Variants in SYK observed in about 807,000 individuals in gnomAD.
SYK encodes tyrosine-protein kinase SYK.
Under a neutral mutation model 77.8 loss-of-function variants are expected in SYK, and 16 were observed. The ratio of observed to expected loss-of-function variants is 0.21; its 90% CI spans 0.14 to 0.31. The LOEUF is 0.31. Ranked by LOEUF, SYK falls within the 10% of genes least tolerant of loss-of-function variation. SYK has a pLI of 1.00. For missense variants in SYK, 529 were observed against 814.4 expected (o/e 0.65, Z 4.26); for synonymous variants, 312 against 308.7 (o/e 1.01, Z -0.11).
chr9:90,886,901 GA>G (rs1432373686), intron 11 of SYK, among the ~76,000 whole-genome samples: 2 of 152,204 alleles, frequency 1.3e-5, no homozygotes, highest in Non-Finnish European at 2.9e-5. Flanking sequence ...TGGATGAATG[GA>G]TAAAGAAAAT....
In SYK at chr9:90,864,630, A is replaced by G. The variant is rs34489331; in HGVS notation, c.759A>G (p.Arg253=). The G allele has an allele frequency of 2.3e-3, 3,735 of 1,614,176 alleles. 80 individuals are homozygous for G. In the African/African-American group the frequency reaches 0.044, roughly 19 times the overall value. Residue 253 remains arginine, a synonymous_variant, in exon 5 of 14, where the codon AGA becomes AGG. Coordinates refer to ENST00000375754, the MANE Select transcript of SYK (RefSeq NM_003177.7). Reference sequence around the variant, plus strand: ...CTTATAAAGCAGATGGTTTGTTAAGAGTTCTTACTGTCCCATGTCAAAAAA... The same window carrying G: ...CTTATAAAGCAGATGGTTTGTTAAGGGTTCTTACTGTCCCATGTCAAAAAA... The part of the protein sequence containing the change: ...HYSYKADGLL[R]VLTVPCQKIG...
At position 90,862,439 on chromosome 9, in the gene SYK, C is replaced by T. The variant is rs1827311097; in HGVS notation, c.717+95C>T. 5 of 1,408,404 alleles carry T rather than the reference C, an allele frequency of 3.6e-6. No homozygotes were observed. The South Asian group carries it at 4.5e-5, about 13-fold the overall frequency. The allele number at this position is 1,408,404 out of a possible 1,614,324, so 87.2% of individuals were successfully genotyped here. A position where few individuals can be genotyped will look rare whatever the true frequency, so the allele number is the denominator to read the frequency against. The stretch of plus-strand genomic sequence containing the variant: ...CTTAGACATGAGAGGAACTGGACCA[C>T]CCACTGCCCACAGTGTGGTCCCCAG... On this transcript the variant is annotated intron_variant, in intron 4 of 13. Coordinates refer to ENST00000375754, the MANE Select transcript of SYK (RefSeq NM_003177.7).
chr9:90,831,543 G>C (rs1213714073), intron 1 of SYK, among the ~76,000 whole-genome samples: 1 of 152,192 alleles, frequency 6.6e-6, no homozygotes, highest in East Asian at 1.9e-4. Flanking sequence ...GGATGAGGTT[G>C]GGTCTTTTCA....
chr9:90,823,927 A>G (rs993241896), intron 1 of SYK, among the ~76,000 whole-genome samples: 1 of 152,082 alleles, frequency 6.6e-6, no homozygotes, highest in African/African-American at 2.4e-5. Context: ...TAAAAACAGG[A>G]AAACAGTAGA....
chr9:90,865,048 G>A lies in SYK; in HGVS notation c.797G>A (p.Gly266Glu). ...AATTGTCCATGCTCTCTCTAACCAG[G>A]AAATGTTAATTTTGGAGGCCGTCCA... ...TVPCQKIGTQGNVNFGGRPQL... is the reference protein window; with the variant it reads ...TVPCQKIGTQENVNFGGRPQL... Residue 266 changes from glycine to glutamate, a missense_variant and splice_region_variant, in exon 6 of 14, where the codon GGA becomes GAA. Around this residue, in one of 2 missense-constraint regions of SYK, gnomAD observed 321 missense variants for 433.1 expected, o/e 0.74. Coordinates refer to ENST00000375754, the MANE Select transcript of SYK (RefSeq NM_003177.7). 1 of 1,614,174 alleles carries A rather than the reference G, an allele frequency of 6.2e-7. No individual in the cohort carries two copies. Among genetic ancestry groups the A allele is most frequent in the Non-Finnish European group, 8.5e-7 (1 of 1,180,018 alleles).
chr9:90,820,662 C>T (rs940183343), intron 1 of SYK, among the ~76,000 whole-genome samples: 1 of 152,174 alleles, frequency 6.6e-6, no homozygotes, highest in Non-Finnish European at 1.5e-5. Context: ...CCTCCTGGGC[C>T]TCCAGGTCTG....
At chr9:90,855,962 G>A (rs2118738875) in intron 3 of SYK, among the ~76,000 whole-genome samples, 1 of 152,310 alleles carries the variant, frequency 6.6e-6, no homozygotes, top group Non-Finnish European at 1.5e-5. Flanking sequence ...TAGTTCATTG[G>A]AGGGTCTGTA....
chr9:90,808,330 A>C (rs189221401), intron 1 of SYK, among the ~76,000 whole-genome samples: 1 of 151,800 alleles, frequency 6.6e-6, no homozygotes, highest in Non-Finnish European at 1.5e-5. Context: ...TTTTCTGTGT[A>C]TTTTATTACT....
intron 1 of SYK, among the ~76,000 whole-genome samples, chr9:90,836,605 GT>G (rs1826096391): frequency 6.6e-6 from 1 of 152,172 alleles, no homozygotes. Context: ...AAATCACTGT[GT>G]GATGCTCATC....
At chr9:90,883,241 A>G (rs539027507) in intron 11 of SYK, among the ~76,000 whole-genome samples, 1 of 151,648 alleles carries the variant, frequency 6.6e-6, no homozygotes, top group Admixed American at 6.6e-5. Context: ...AGCAAATCAC[A>G]CCCCCTATAG....
chr9:90,802,076 G>C (rs938766942), intron 1 of SYK, 183 bp downstream of exon 1: 7 of 152,388 alleles, frequency 4.6e-5, no homozygotes, highest in Admixed American at 3.9e-4. Context: ...ACCTACCCGC[G>C]CTCGGGATCC....
chr9:90,856,386 G>T lies in SYK; in HGVS notation c.579-5820G>T, dbSNP rs56661485. On this transcript the variant is annotated intron_variant, in intron 3 of 13. Transcript: ENST00000375754. The stretch of plus-strand genomic sequence containing the variant: ...GTTCTTGCCCATTTCTTCCTTCAGA[G>T]ACTCCTATTAAATACAGTTTGACCT... Among the ~76,000 whole-genome samples, 14 of 152,090 alleles carry T rather than the reference G, an allele frequency of 9.2e-5. No homozygotes were observed. In the South Asian group the frequency reaches 2.7e-3, roughly 29 times the overall value.
chr9:90,835,059 A>G (rs185006457), intron 1 of SYK, among the ~76,000 whole-genome samples: 26 of 152,040 alleles, frequency 1.7e-4, no homozygotes, highest in Non-Finnish European at 3.1e-4. Flanking sequence ...AATAGTCTGT[A>G]CTAGATGAGA....
chr9:90,817,845 T>TTGTGTGTGTGTGTGTGTGTG (rs746939088), intron 1 of SYK, among the ~76,000 whole-genome samples: 122 of 137,614 alleles, frequency 8.9e-4, no homozygotes, highest in Non-Finnish European at 7.2e-4. Flanking sequence ...CTCAATAATG[T>TTGTGTGTGTGTGTGTGTGTG]TGTGTGTGTG....
chr9:90,865,601 A>G (rs1340509877), intron 6 of SYK, among the ~76,000 whole-genome samples: 1 of 151,430 alleles, frequency 6.6e-6, no homozygotes, highest in Admixed American at 6.6e-5. Flanking sequence ...GAGCCACCAC[A>G]CTCTGCCTAG....
intron 11 of SYK, among the ~76,000 whole-genome samples, chr9:90,883,675 C>T (rs1828245394): frequency 6.6e-6 from 1 of 152,112 alleles, no homozygotes; most frequent in Admixed American, 6.5e-5. Context: ...TCACATGCCC[C>T]AATACTTGAG....
intron 3 of SYK, among the ~76,000 whole-genome samples, chr9:90,854,480 C>T (rs1368623463): frequency 6.6e-6 from 1 of 152,168 alleles, no homozygotes; most frequent in African/African-American, 2.4e-5. Context: ...GCAAGAACAT[C>T]ACTGTCCCCT....
At chr9:90,859,188 C>T (rs1827154121) in intron 3 of SYK, among the ~76,000 whole-genome samples, 1 of 152,234 alleles carries the variant, frequency 6.6e-6, no homozygotes, top group Non-Finnish European at 1.5e-5. Flanking sequence ...CCCAGCATTG[C>T]AGGAGACCAC....
chr9:90,852,767 AAC>A (rs1351406969), intron 3 of SYK, among the ~76,000 whole-genome samples: 3 of 152,212 alleles, frequency 2.0e-5, no homozygotes, highest in Non-Finnish European at 4.4e-5. Context: ...AAGTTACAAA[AAC>A]AGTCATTCAT....
Sources: gnomAD v4.1 joint callset for allele counts (sites outside exome capture counted in the v4.1 genomes callset) on GRCh38, gnomAD v4.1.1 for gene constraint, gnomAD v4.1.1 regional missense constraint, MANE v1.5 for transcripts, NCBI Gene and HGNC (gene_info 2026-07-23, HGNC 2026-07-21) for gene names.